Variants in WWC2 observed in about 807,000 individuals in gnomAD.
The protein encoded by WWC2 is protein WWC2.
WWC2 carries 101 observed loss-of-function variants against 138.5 expected under a neutral mutation model. The observed-to-expected ratio is 0.73, with a 90% CI of 0.62 to 0.86. WWC2 has a LOEUF of 0.86. Ranked by LOEUF, WWC2 falls within the 40% of genes least tolerant of loss-of-function variation. The pLI is 0.00. For missense variants in WWC2, 1,420 were observed against 1,419.4 expected (o/e 1.00, Z -0.01); for synonymous variants, 558 against 538.4 (o/e 1.04, Z -0.50).
chr4:183,182,834 G>A (rs1000326270), intron 1 of WWC2, among the ~76,000 whole-genome samples: 1 of 152,182 alleles, frequency 6.6e-6, no homozygotes, highest in Non-Finnish European at 1.5e-5. Context: ...CCTTCATGTT[G>A]TTATTTGAAT....
chr4:183,233,421 T>C (rs893608159), intron 4 of WWC2, among the ~76,000 whole-genome samples: 25 of 152,126 alleles, frequency 1.6e-4, no homozygotes, highest in Admixed American at 1.2e-3. Flanking sequence ...CCTCCCAAAG[T>C]GCTGGGATTA....
At position 183,193,622 on chromosome 4, in the gene WWC2, C is replaced by T. The variant is rs1269495672; in HGVS notation, c.155C>T (p.Ala52Val). ...AGGTTAACGAAGCCCTTGTCATTTG[C>T]TGATTGTGTTGGGGATGAGCTGCCG... Reference protein sequence around the residue: ...RDRLTKPLSFADCVGDELPWG... With the variant: ...RDRLTKPLSFVDCVGDELPWG... Residue 52 changes from alanine to valine, a missense_variant, in exon 2 of 23, where the codon GCT (alanine) becomes GTT (valine). Physicochemically the swap from Ala to Val is moderately conservative, Grantham distance 64 (BLOSUM62 0). Coordinates refer to ENST00000403733, the MANE Select transcript of WWC2 (RefSeq NM_024949.6). 6.2e-7 allele frequency: 1 copy of T among 1,613,762 alleles called. No individual in the cohort carries two copies. Among genetic ancestry groups the T allele is most frequent in the East Asian group, 2.2e-5 (1 of 44,872 alleles).
At chr4:183,154,002 C>CAA (rs35002790) in intron 1 of WWC2, among the ~76,000 whole-genome samples, 14 of 71,642 alleles carry the variant, frequency 2.0e-4, no homozygotes, top group African/African-American at 4.0e-4. Context: ...CTTTAAAAAG[C>CAA]AAAAAAAAAA....
intron 4 of WWC2, among the ~76,000 whole-genome samples, chr4:183,211,506 C>T (rs923278931): frequency 2.0e-5 from 3 of 152,164 alleles, no homozygotes; most frequent in African/African-American, 7.2e-5. Context: ...ATGATTTGAG[C>T]TGACTGTAGC....
chr4:183,280,229 G>GTTTTTTTTTTTTT (rs869235261), intron 16 of WWC2, among the ~76,000 whole-genome samples: 803 of 65,514 alleles, frequency 0.012, 9 homozygotes, highest in Middle Eastern at 0.038. Context: ...GATAGCAGCT[G>GTTTTTTTTTTTTT]TTTTTTTTTT....
At chr4:183,315,120 C>T (rs1383106568) in intron 22 of WWC2, among the ~76,000 whole-genome samples, 3 of 152,222 alleles carry the variant, frequency 2.0e-5, no homozygotes, top group Non-Finnish European at 2.9e-5. Flanking sequence ...ACCTGAAAAC[C>T]GCTCTGCCCT....
intron 11 of WWC2, 27 bp from the exon 12 acceptor site, chr4:183,264,951 T>C (rs1040629344): frequency 3.1e-6 from 5 of 1,601,558 alleles, no homozygotes; most frequent in Non-Finnish European, 4.3e-6. Flanking sequence ...GACATTCTGA[T>C]TAGTGCTCTC....
chr4:183,188,358 C>T (rs546125947), intron 1 of WWC2, among the ~76,000 whole-genome samples: 77 of 152,190 alleles, frequency 5.1e-4, no homozygotes, highest in Non-Finnish European at 9.3e-4. Context: ...CTGCCTCAGC[C>T]TCCCGAGTAG....
At chr4:183,285,016 C>T (rs1301594318) in intron 19 of WWC2, among the ~76,000 whole-genome samples, 2 of 152,238 alleles carry the variant, frequency 1.3e-5, no homozygotes, top group African/African-American at 2.4e-5. Context: ...TTATTAAGCA[C>T]CTGCTTTTAA....
chr4:183,269,636 C>T (rs544224411), intron 15 of WWC2: 2 of 371,684 alleles, frequency 5.4e-6, no homozygotes, highest in African/African-American at 2.1e-5. Flanking sequence ...AACTAGTAAG[C>T]GATGAAGCCA....
At chr4:183,207,666 T>C (rs1735483743) in intron 2 of WWC2, among the ~76,000 whole-genome samples, 1 of 152,168 alleles carries the variant, frequency 6.6e-6, no homozygotes. Flanking sequence ...AGCTTGGCTT[T>C]TATTCTGTAG....
chr4:183,120,245 A>C (rs998915565), intron 1 of WWC2, among the ~76,000 whole-genome samples: 1 of 152,234 alleles, frequency 6.6e-6, no homozygotes, highest in African/African-American at 2.4e-5. Context: ...AATGTATATA[A>C]ATTTTATTGA....
At chr4:183,264,316 A>G (rs919269658) in intron 11 of WWC2, among the ~76,000 whole-genome samples, 4 of 152,214 alleles carry the variant, frequency 2.6e-5, no homozygotes, top group Non-Finnish European at 4.4e-5. Context: ...CTTGCAGCTC[A>G]TTACAGTACA....
chr4:183,159,527 C>CT (rs994601164), intron 1 of WWC2, among the ~76,000 whole-genome samples: 13 of 152,090 alleles, frequency 8.5e-5, no homozygotes, highest in African/African-American at 3.1e-4. Flanking sequence ...ACCTCAGCCT[C>CT]TGAGTAGCTG....
Position 183,263,133 on chromosome 4 carries a change from A to G in WWC2, c.1909+1601A>G, listed in dbSNP as rs564508917. On this transcript the variant is annotated intron_variant, in intron 11 of 22. Coordinates refer to ENST00000403733, the MANE Select transcript of WWC2 (RefSeq NM_024949.6). ...CTATGAGAAGAAGAAAGAGAAGAAA[A>G]TGGAATGTTCTGTGCCAGCGTTCCT... Among the ~76,000 whole-genome samples, 26 of 152,296 alleles carry G rather than the reference A, an allele frequency of 1.7e-4. 1 individual carries two copies. The highest frequency in any genetic ancestry group is 4.8e-4 in the African/African-American group (20 of 41,572).
chr4:183,162,145 T>C (rs1271978570), intron 1 of WWC2, among the ~76,000 whole-genome samples: 1 of 151,548 alleles, frequency 6.6e-6, no homozygotes, highest in Admixed American at 6.6e-5. Flanking sequence ...CTCTGTATTG[T>C]AAGTTATACA....
At chr4:183,269,860 A>G (rs1376766064) in intron 15 of WWC2, 2 of 183,298 alleles carry the variant, frequency 1.1e-5, no homozygotes, top group African/African-American at 4.7e-5. Flanking sequence ...TGTGAGTTTA[A>G]TACACTGTTG....
rs1486963411 is a variant in WWC2 at position 183,182,354 on chromosome 4, G to A, written c.132-11245G>A. On this transcript the variant is annotated intron_variant, in intron 1 of 22. Transcript: ENST00000403733. ...ATCCACCATGAAATTGACTGGCTGTGTGTTGAACTACAGGTTGGGAATTGA... is the reference window on the plus strand; with the variant it reads ...ATCCACCATGAAATTGACTGGCTGTATGTTGAACTACAGGTTGGGAATTGA... Among the ~76,000 whole-genome samples, 5 of 152,208 alleles carry A rather than the reference G, an allele frequency of 3.3e-5. No individual in the cohort carries two copies. The East Asian group carries it at 9.6e-4, about 29-fold the overall frequency.
At chr4:183,237,499 C>G (rs1580091966) in intron 4 of WWC2, among the ~76,000 whole-genome samples, 1 of 152,180 alleles carries the variant, frequency 6.6e-6, no homozygotes, top group East Asian at 1.9e-4. Flanking sequence ...TCATATTACA[C>G]CACCTTTAAA....
Sources: allele counts gnomAD v4.1 joint callset (sites outside exome capture counted in the v4.1 genomes callset), GRCh38; gene constraint gnomAD v4.1.1; transcripts MANE v1.5; gene names NCBI Gene and HGNC (gene_info 2026-07-23, HGNC 2026-07-21).